Variants in KLHL31 observed in about 807,000 individuals in gnomAD.
The protein encoded by KLHL31 is kelch-like protein 31.
A neutral mutation model predicts 47.1 loss-of-function variants in KLHL31; 32 were observed. The ratio of observed to expected loss-of-function variants is 0.68; its 90% CI spans 0.51 to 0.91. KLHL31 has a LOEUF of 0.91. KLHL31 is among the 40% of genes least tolerant of loss of function. The pLI, the probability that KLHL31 is intolerant of heterozygous loss-of-function variation, is 0.00. For missense variants in KLHL31, 797 were observed against 819.3 expected, an observed-to-expected ratio of 0.97 and a Z score of 0.33; for synonymous variants, 330 against 325.1, an observed-to-expected ratio of 1.01 and a Z score of -0.16.
chr6:53,652,318 G>C lies in KLHL31; in HGVS notation c.1185C>G (p.Arg395=), dbSNP rs774364169. ...TGGCCAGGTGTATCCAGGTGTTGAA[G>C]CGGGGATCGTATCTGGAAATGATAG... ...AVSNFCRYDP[R]FNTWIHLASM... is the part of the protein sequence containing the mutation. The change falls in exon 3 of 3, where the codon CGC becomes CGG. Residue 395 remains arginine (R), a synonymous_variant. Coordinates refer to ENST00000370905, the MANE Select transcript of KLHL31 (RefSeq NM_001003760.5). The C allele has an allele frequency of 6.2e-7, 1 of 1,613,960 alleles. No individual in the cohort carries two copies. The highest frequency in any genetic ancestry group is 8.5e-7 in the Non-Finnish European group (1 of 1,180,040).
At chr6:53,661,589 T>C (rs1357986876) in intron 1 of KLHL31, among the ~76,000 whole-genome samples, 1 of 152,234 alleles carries the variant, frequency 6.6e-6, no homozygotes, top group African/African-American at 2.4e-5. Context: ...AATTTGGTCA[T>C]AGTGCTGGGC....
At chr6:53,653,630 C>G (rs1413146307) in intron 2 of KLHL31, among the ~76,000 whole-genome samples, 1 of 152,224 alleles carries the variant, frequency 6.6e-6, no homozygotes, top group Admixed American at 6.5e-5. Context: ...TTAATGATCT[C>G]ATTCTATTTG....
chr6:53,661,112 A>T (rs1304379413), intron 1 of KLHL31, among the ~76,000 whole-genome samples: 3 of 152,190 alleles, frequency 2.0e-5, no homozygotes, highest in African/African-American at 4.8e-5. Flanking sequence ...AGAGTTGTTC[A>T]TTTGTTCCTA....
intron 1 of KLHL31, among the ~76,000 whole-genome samples, chr6:53,655,609 CTTTTT>C (rs11358787): frequency 1.8e-5 from 2 of 114,262 alleles, no homozygotes; most frequent in Non-Finnish European, 3.7e-5. Flanking sequence ...TTCTTTTTTT[CTTTTT>C]TTTTTTTTTT....
In KLHL31 at chr6:53,652,180, G is replaced by A. The variant is rs61743886; in HGVS notation, c.1323C>T (p.Pro441=). 4,408 of 1,610,234 alleles carry A rather than the reference G, an allele frequency of 2.7e-3. 111 individuals carry two copies. The African/African-American group carries it at 0.052, about 19-fold the overall frequency. The change falls in exon 3 of 3, where the codon CCC becomes CCT. Residue 441 remains proline, a synonymous_variant. Coordinates refer to ENST00000370905, the MANE Select transcript of KLHL31 (RefSeq NM_001003760.5). ...TCTTCGGCTGCCACTGATTGGTGGA[G>A]GGCACGTAGCACTCCAGCGAGGCCA... The part of the protein sequence containing the change: ...GSLASLECYV[P]STNQWQPKTP...
intron 1 of KLHL31, among the ~76,000 whole-genome samples, chr6:53,661,135 T>A (rs1479502898): frequency 6.6e-6 from 1 of 152,208 alleles, no homozygotes; most frequent in Non-Finnish European, 1.5e-5. Flanking sequence ...TCCTAATAAA[T>A]GCTCTGCCTG....
At chr6:53,655,671 A>G (rs1399524030) in intron 1 of KLHL31, among the ~76,000 whole-genome samples, 1 of 146,874 alleles carries the variant, frequency 6.8e-6, no homozygotes, top group African/African-American at 2.5e-5. Flanking sequence ...CAGTGGCATG[A>G]TCTCAGCTCA....
At position 53,652,217 on chromosome 6, in the gene KLHL31, G is replaced by A. The variant is rs771630538; in HGVS notation, c.1286C>T (p.Ala429Val). The change falls in exon 3 of 3, where the codon GCA (alanine) becomes GTA (valine). Residue 429 changes from alanine (A) to valine (V), a missense_variant. Coordinates refer to ENST00000370905, the MANE Select transcript of KLHL31 (RefSeq NM_001003760.5). ...GLVYAAGGRN[A>V]EGSLASLECY... The stretch of plus-strand genomic sequence containing the variant: ...CTCCAGCGAGGCCAGGCTTCCTTCT[G>A]CGTTGCGGCCGCCCGCGGCGTACAC... The A allele has an allele frequency of 1.2e-6, 2 of 1,613,394 alleles. No homozygotes were observed. The highest frequency in any genetic ancestry group is 2.2e-5 in the East Asian group (1 of 44,890).
rs1365548817 is a variant in KLHL31 at position 53,655,024 on chromosome 6, G to C, written c.249C>G (p.Ser83=). Residue 83 remains serine (S), a synonymous_variant, in exon 2 of 3, where the codon TCC becomes TCG. Coordinates refer to ENST00000370905, the MANE Select transcript of KLHL31 (RefSeq NM_001003760.5). ...CDLVIGTKTK[S]FDVHKSVMAS... ...CCATGACTGACTTATGAACATCAAAGGATTTGGTTTTGGTACCAATGACTA... is the reference window on the plus strand; with the variant it reads ...CCATGACTGACTTATGAACATCAAACGATTTGGTTTTGGTACCAATGACTA... 1 of 1,614,150 alleles carries C rather than the reference G, an allele frequency of 6.2e-7. No homozygotes were observed. The highest frequency in any genetic ancestry group is 1.3e-5 in the African/African-American group (1 of 75,048).
At position 53,654,555 on chromosome 6, in the gene KLHL31, AT is replaced by A. The variant is rs1764526772; in HGVS notation, c.717del (p.Lys239AsnfsTer3). On this transcript the variant is annotated frameshift_variant, in exon 2 of 3. Transcript: ENST00000370905. LOFTEE classifies it high-confidence loss of function. ...ACTCTCTTTTGGTCAAATTCTAACCATTTCATTGCAATCTGGAATGCTACTA... is the reference window on the plus strand; with the variant it reads ...ACTCTCTTTTGGTCAAATTCTAACCATTCATTGCAATCTGGAATGCTACTA... Reference protein sequence around the residue: ...SEIVAFQIAMKWLEFDQKRVK... With the variant: ...SEIVAFQIAMXWLEFDQKRVK... 2 of 1,614,026 alleles carry A rather than the reference AT, an allele frequency of 1.2e-6. No individual in the cohort carries two copies. The highest frequency in any genetic ancestry group is 1.7e-6 in the Non-Finnish European group (2 of 1,180,018).
chr6:53,650,983 C>A lies in KLHL31; in HGVS notation c.*615G>T, dbSNP rs1025097158. On this transcript the variant is annotated 3_prime_UTR_variant, in exon 3 of 3. Transcript: ENST00000370905. ...CAAATTTAGGGTCCCTGGGTGGAAT[C>A]CCTATTCCTTTTCGGTCAGATCTTG... The A allele has an allele frequency of 1.3e-5, 2 of 152,238 alleles. No homozygotes were observed. Among genetic ancestry groups the A allele is most frequent in the African/African-American group, 2.4e-5 (1 of 41,518 alleles). 9.4% of individuals were successfully genotyped at this position (152,238 alleles called of 1,614,324 possible). A position where few individuals can be genotyped will look rare whatever the true frequency, so the allele number is the denominator to read the frequency against.
At chr6:53,652,551 A>G in intron 2 of KLHL31, 1 of 598,768 alleles carries the variant, frequency 1.7e-6, no homozygotes, top group East Asian at 2.9e-5. Flanking sequence ...GCCCCCGTTT[A>G]TAAGCCTCTC....
rs904371789 is a variant in KLHL31 at position 53,651,587 on chromosome 6, T to A, written c.*11A>T. 4.4e-6 allele frequency: 7 copies of A among 1,601,938 alleles called. No individual in the cohort carries two copies. The highest frequency in any genetic ancestry group is 6.0e-6 in the Non-Finnish European group (7 of 1,170,770). Reference sequence around the variant, plus strand: ...AACGTGTTCTTCCTGCGTCCCTGCATCTACCTGGGCTCAGATACTGACTGG... The same window carrying A: ...AACGTGTTCTTCCTGCGTCCCTGCAACTACCTGGGCTCAGATACTGACTGG... On this transcript the variant is annotated 3_prime_UTR_variant, in exon 3 of 3. Coordinates refer to ENST00000370905, the MANE Select transcript of KLHL31 (RefSeq NM_001003760.5).
At position 53,652,113 on chromosome 6, in the gene KLHL31, C is replaced by A; in HGVS notation, c.1390G>T (p.Ala464Ser). 5.6e-6 allele frequency: 9 copies of A among 1,600,658 alleles called. No individual in the cohort carries two copies. Among genetic ancestry groups the A allele is most frequent in the Non-Finnish European group, 7.6e-6 (9 of 1,178,044 alleles). The change falls in exon 3 of 3, where the codon GCC becomes TCC. Residue 464 changes from alanine to serine, a missense_variant. By Grantham distance (99) the Ala-to-Ser change is moderately conservative (BLOSUM62 1). Transcript: ENST00000370905. ...CCGGTCACCAGCACGCGGCCGTCGG[C>A]GACCGCGCTAGCGTGGCAGCAGCGC... ...VARCCHASAV[A>S]DGRVLVTGGY... is the part of the protein sequence containing the mutation.
chr6:53,658,181 T>C (rs528656061), intron 1 of KLHL31, among the ~76,000 whole-genome samples: 2 of 152,288 alleles, frequency 1.3e-5, no homozygotes, highest in Middle Eastern at 6.8e-3. Context: ...ACACAAGACA[T>C]GGCAAATGCA....
At chr6:53,665,067 G>A (rs1335465623) in intron 1 of KLHL31, among the ~76,000 whole-genome samples, 1 of 150,574 alleles carries the variant, frequency 6.6e-6, no homozygotes, top group Non-Finnish European at 1.5e-5. Flanking sequence ...TTTTAGGAAG[G>A]ATATTTCCAT....
intron 1 of KLHL31, 43 bp from the exon 2 acceptor site, chr6:53,655,348 CT>C: frequency 2.0e-6 from 2 of 1,019,154 alleles, no homozygotes; most frequent in Non-Finnish European, 2.8e-6. Context: ...TTTAATTGTG[CT>C]TTAGACTTTG....
chr6:53,655,034 T>C lies in KLHL31; in HGVS notation c.239A>G (p.Lys80Arg), dbSNP rs760769211. 3.7e-6 allele frequency: 6 copies of C among 1,614,208 alleles called. No individual in the cohort carries two copies. The East Asian group carries it at 1.1e-4, about 30-fold the overall frequency. Residue 80 changes from lysine to arginine, a missense_variant, in exon 2 of 3, where the codon AAA (lysine) becomes AGA (arginine). Lys to Arg is a conservative substitution (Grantham distance 26). Coordinates refer to ENST00000370905, the MANE Select transcript of KLHL31 (RefSeq NM_001003760.5). ...CTTATGAACATCAAAGGATTTGGTTTTGGTACCAATGACTAAGTCACATAG... is the reference window on the plus strand; with the variant it reads ...CTTATGAACATCAAAGGATTTGGTTCTGGTACCAATGACTAAGTCACATAG... Reference protein sequence around the residue: ...NFLCDLVIGTKTKSFDVHKSV... With the variant: ...NFLCDLVIGTRTKSFDVHKSV...
intron 1 of KLHL31, among the ~76,000 whole-genome samples, chr6:53,663,852 GT>G (rs879880850): frequency 1.2e-4 from 18 of 152,150 alleles, no homozygotes; most frequent in Non-Finnish European, 2.5e-4. Context: ...TTGGGTTTCG[GT>G]GTTCATTCTG....
Sources: allele counts gnomAD v4.1 joint callset (sites outside exome capture counted in the v4.1 genomes callset), GRCh38; gene constraint gnomAD v4.1.1; transcripts MANE v1.5; gene names NCBI Gene and HGNC (gene_info 2026-07-23, HGNC 2026-07-21).